Variants in NAV3 observed in about 807,000 individuals in gnomAD.
NAV3 encodes neuron navigator 3.
Under a neutral mutation model 244.7 loss-of-function variants are expected in NAV3, and 87 were observed. That is an observed-to-expected ratio of 0.36 (90% CI 0.30 to 0.42). The LOEUF is 0.42. NAV3 is among the 20% of genes least tolerant of loss of function. NAV3 has a pLI of 1.00. For synonymous variants in NAV3, 1,126 were observed against 1,042.2 expected (o/e 1.08, Z -1.55); for missense variants, 2,663 against 2,893.3 (o/e 0.92, Z 1.83).
intron 12 of NAV3, among the ~76,000 whole-genome samples, chr12:78,075,185 T>C (rs1004153063): frequency 6.6e-5 from 10 of 152,172 alleles, no homozygotes; most frequent in Non-Finnish European, 1.5e-4. Flanking sequence ...AGTACAGATA[T>C]GAAGAAAACA....
intron 2 of NAV3, among the ~76,000 whole-genome samples, chr12:77,798,365 A>G (rs781053611): frequency 6.6e-6 from 1 of 152,196 alleles, no homozygotes; most frequent in East Asian, 1.9e-4. Flanking sequence ...TTATTAAGAT[A>G]TATAAATAAA....
At chr12:77,741,546 A>G (rs1156962367) in intron 2 of NAV3, among the ~76,000 whole-genome samples, 2 of 152,040 alleles carry the variant, frequency 1.3e-5, no homozygotes, top group African/African-American at 4.8e-5. Context: ...CTATGCCCCT[A>G]CTTCCTTATT....
At chr12:77,728,130 A>C (rs770937322) in intron 2 of NAV3, among the ~76,000 whole-genome samples, 5 of 151,930 alleles carry the variant, frequency 3.3e-5, no homozygotes, top group Non-Finnish European at 7.4e-5. Flanking sequence ...TGAGTTTATA[A>C]AAAGATGAGA....
At chr12:78,095,353 A>G (rs952180794) in intron 12 of NAV3, among the ~76,000 whole-genome samples, 1 of 152,160 alleles carries the variant, frequency 6.6e-6, no homozygotes, top group Non-Finnish European at 1.5e-5. Context: ...AAGAGAGAGA[A>G]AAAGAGAAAG....
At chr12:77,678,828 C>T (rs1307964594) in intron 2 of NAV3, among the ~76,000 whole-genome samples, 1 of 145,420 alleles carries the variant, frequency 6.9e-6, no homozygotes, top group Non-Finnish European at 1.5e-5. Flanking sequence ...CCAGAGCGAT[C>T]AGAAGGAAGA....
chr12:77,611,596 A>C (rs1196763846), intron 2 of NAV3, among the ~76,000 whole-genome samples: 1 of 151,948 alleles, frequency 6.6e-6, no homozygotes, highest in African/African-American at 2.4e-5. Flanking sequence ...TACTCCCTAG[A>C]AGCAACTATA....
At chr12:77,711,020 A>G (rs1483179948) in intron 2 of NAV3, among the ~76,000 whole-genome samples, 1 of 152,238 alleles carries the variant, frequency 6.6e-6, no homozygotes, top group Non-Finnish European at 1.5e-5. Flanking sequence ...AAGCTGAATT[A>G]AAACACTCTT....
intron 2 of NAV3, among the ~76,000 whole-genome samples, chr12:77,806,354 T>G (rs1405447866): frequency 6.6e-6 from 1 of 152,210 alleles, no homozygotes; most frequent in African/African-American, 2.4e-5. Flanking sequence ...CCAGAGATTC[T>G]AGTACATTGT....
At chr12:78,141,823 A>G (rs1956628935) in intron 20 of NAV3, among the ~76,000 whole-genome samples, 1 of 152,202 alleles carries the variant, frequency 6.6e-6, no homozygotes, top group African/African-American at 2.4e-5. Context: ...TTGGGCCAGC[A>G]CTGCCATTTG....
intron 12 of NAV3, among the ~76,000 whole-genome samples, chr12:78,084,028 G>A (rs1953496738): frequency 6.6e-6 from 1 of 152,148 alleles, no homozygotes; most frequent in Non-Finnish European, 1.5e-5. Context: ...CCAGCTGAAT[G>A]TGATTGGATA....
chr12:78,184,982 G>C (rs1958651820), intron 30 of NAV3, among the ~76,000 whole-genome samples: 1 of 151,730 alleles, frequency 6.6e-6, no homozygotes, highest in Non-Finnish European at 1.5e-5. Flanking sequence ...TCATGCTTCT[G>C]TAACTCTTAG....
At chr12:78,044,547 T>G (rs1277005516) in intron 9 of NAV3, among the ~76,000 whole-genome samples, 1 of 152,214 alleles carries the variant, frequency 6.6e-6, no homozygotes, top group East Asian at 1.9e-4. Context: ...ATGATATTGA[T>G]TCTTCCTATC....
chr12:78,204,912 C>A (rs373647532), intron 38 of NAV3, 23 bp from the exon 39 acceptor site: 1 of 1,610,638 alleles, frequency 6.2e-7, no homozygotes, highest in Non-Finnish European at 8.5e-7. Flanking sequence ...TATATATATC[C>A]TAAACGCGTG....
rs147084685 is a variant in NAV3, at chr12:77,628,708, A to T, written c.72+56442A>T. On this transcript the variant is annotated intron_variant, in intron 2 of 8. Coordinates refer to the NAV3 transcript ENST00000550042. ...AGATCAGCCTGGGCAACATGGTGAA[A>T]CCCTATCTCTACTAAAAAAAAAAAT... Among the ~76,000 whole-genome samples the T allele has an allele frequency of 1.5e-3, 231 of 151,442 alleles. 2 individuals carry two copies. Among genetic ancestry groups the T allele is most frequent in the Middle Eastern group, 0.014 (4 of 294 alleles).
In NAV3 at chr12:77,819,513, A is replaced by G. The variant is rs1344126746; in HGVS notation, c.73-120806A>G. On this transcript the variant is annotated intron_variant, in intron 2 of 8. Transcript: ENST00000550042. ...TTCACTAAAATGTAGCTAGTGAATA[A>G]AGTAAAATAAGAGTTAAGTTTTAGA... 1.4e-4 allele frequency among the ~76,000 whole-genome samples: 20 copies of G among 143,904 alleles called. No homozygotes were observed. The Admixed American group carries it at 1.4e-3, about 10-fold the overall frequency. 94.4% of individuals were successfully genotyped at this position (143,904 alleles called of 152,430 possible). A position where few individuals can be genotyped will look rare whatever the true frequency, so the allele number is the denominator to read the frequency against.
intron 1 of NAV3, among the ~76,000 whole-genome samples, chr12:77,906,356 C>G (rs543165199): frequency 6.6e-6 from 1 of 152,130 alleles, no homozygotes; most frequent in South Asian, 2.1e-4. Flanking sequence ...TGGAAAGAGC[C>G]AGCAGATCGC....
Position 77,921,754 on chromosome 12 carries a change from AT to A in NAV3, c.244-18559del, listed in dbSNP as rs1398987284. On this transcript the variant is annotated intron_variant, in intron 1 of 39. Transcript: ENST00000397909. ...GAAAAATTTTAGTGTTTCTCTTTTT[AT>A]TTTTTATACCAACAAAGAAGGTAAT... Among the ~76,000 whole-genome samples the A allele has an allele frequency of 5.9e-5, 9 of 152,024 alleles. No homozygotes were observed. The East Asian group carries it at 1.5e-3, about 26-fold the overall frequency.
chr12:77,780,825 G>A (rs1185687938), intron 2 of NAV3, among the ~76,000 whole-genome samples: 2 of 152,156 alleles, frequency 1.3e-5, no homozygotes, highest in African/African-American at 4.8e-5. Context: ...GAGGTCAGAG[G>A]CCTGTAGGGG....
chr12:77,834,004 C>G (rs1874184564), intron 1 of NAV3, among the ~76,000 whole-genome samples: 1 of 151,952 alleles, frequency 6.6e-6, no homozygotes, highest in African/African-American at 2.4e-5. Context: ...GACGTCCAGC[C>G]GCTTGTGTGT....
Sources: gnomAD v4.1 joint callset for allele counts (sites outside exome capture counted in the v4.1 genomes callset) on GRCh38, gnomAD v4.1.1 for gene constraint, MANE v1.5 for transcripts, NCBI Gene and HGNC (gene_info 2026-07-23, HGNC 2026-07-21) for gene names.